SNX30: variants seen among roughly 807,000 people sequenced by gnomAD.
The protein encoded by SNX30 is sorting nexin-30.
A neutral mutation model predicts 46.4 loss-of-function variants in SNX30; 24 were observed. That is an observed-to-expected ratio of 0.52 (90% CI 0.37 to 0.73). The LOEUF (loss-of-function observed/expected upper bound fraction) is 0.73, where lower values mean the gene tolerates loss of function less well. SNX30 is among the 30% of genes least tolerant of loss of function. The probability of loss-of-function intolerance (pLI) is 0.00; values close to 1 mark genes in which losing one functional copy is unlikely to be tolerated. For synonymous variants in SNX30, 189 were observed against 211.5 expected, an observed-to-expected ratio of 0.89 and a Z score of 0.92; for missense variants, 533 against 555.7, an observed-to-expected ratio of 0.96 and a Z score of 0.41.
intron 7 of SNX30, among the ~76,000 whole-genome samples, chr9:112,852,882 G>T (rs550823428): frequency 6.6e-6 from 1 of 152,114 alleles, no homozygotes; most frequent in South Asian, 2.1e-4. Flanking sequence ...TGCCGCTGCC[G>T]CCATGCCAAG....
chr9:112,883,589 TAAAAA>T (rs932971830), downstream of SNX30, among the ~76,000 whole-genome samples: 1 of 151,624 alleles, frequency 6.6e-6, no homozygotes, highest in Non-Finnish European at 1.5e-5. Flanking sequence ...TTATTATCAT[TAAAAA>T]AAAGAAGATG....
At chr9:112,780,204 C>CATGT (rs1839824391) in intron 1 of SNX30, among the ~76,000 whole-genome samples, 1 of 152,112 alleles carries the variant, frequency 6.6e-6, no homozygotes, top group African/African-American at 2.4e-5. Context: ...TAAACATGTA[C>CATGT]ATGTATGTAT....
intron 2 of SNX30, among the ~76,000 whole-genome samples, chr9:112,813,843 C>G (rs1177499780): frequency 6.6e-6 from 1 of 151,480 alleles, no homozygotes; most frequent in Non-Finnish European, 1.5e-5. Flanking sequence ...AATAAATATG[C>G]CATAATTTCA....
chr9:112,758,334 C>T (rs906595054), intron 1 of SNX30, among the ~76,000 whole-genome samples: 2 of 151,740 alleles, frequency 1.3e-5, no homozygotes, highest in East Asian at 3.9e-4. Flanking sequence ...GTTGCGCTCT[C>T]TCTTTTTTTT....
At position 112,807,139 on chromosome 9, in the gene SNX30, A is replaced by C. The variant is rs183558897; in HGVS notation, c.348+2172A>C. Among the ~76,000 whole-genome samples, 124 of 139,750 alleles carry C rather than the reference A, an allele frequency of 8.9e-4. 4 individuals are homozygous for C. In the East Asian group the frequency reaches 0.016, roughly 18 times the overall value. The allele number at this position is 139,750 out of a possible 152,430, so 91.7% of individuals were successfully genotyped here. On this transcript the variant is annotated intron_variant, in intron 2 of 8. Transcript: ENST00000374232. ...GAGTGTAGTGGCGTGATCTCAGCTC[A>C]CTGCAACCTCCGCCCTCTGGGTTCA...
chr9:112,841,901 A>G (rs1368213601), intron 6 of SNX30, among the ~76,000 whole-genome samples: 1 of 152,086 alleles, frequency 6.6e-6, no homozygotes, highest in Non-Finnish European at 1.5e-5. Flanking sequence ...GCAGTATGGA[A>G]ACTAAGCGTG....
At chr9:112,757,164 C>A (rs1430566394) in intron 1 of SNX30, among the ~76,000 whole-genome samples, 1 of 152,182 alleles carries the variant, frequency 6.6e-6, no homozygotes, top group Non-Finnish European at 1.5e-5. Context: ...CCCACCTGCC[C>A]TTGGTAGCCA....
At chr9:112,792,460 C>T (rs972738332) in intron 1 of SNX30, among the ~76,000 whole-genome samples, 4 of 152,112 alleles carry the variant, frequency 2.6e-5, no homozygotes, top group African/African-American at 7.2e-5. Context: ...CATCTCTCTC[C>T]GTCGCCCAGC....
chr9:112,811,001 G>C (rs1840310687), intron 2 of SNX30, among the ~76,000 whole-genome samples: 1 of 152,174 alleles, frequency 6.6e-6, no homozygotes, highest in Non-Finnish European at 1.5e-5. Context: ...TGGCAGGGAG[G>C]CCCGATTCTC....
At chr9:112,831,373 A>G (rs1840657779) in intron 4 of SNX30, among the ~76,000 whole-genome samples, 1 of 152,100 alleles carries the variant, frequency 6.6e-6, no homozygotes, top group Non-Finnish European at 1.5e-5. Context: ...AAGTTAGAAT[A>G]TTTGCTCTGC....
chr9:112,835,068 T>C (rs543845744), intron 4 of SNX30, among the ~76,000 whole-genome samples: 1 of 152,214 alleles, frequency 6.6e-6, no homozygotes, highest in Non-Finnish European at 1.5e-5. Flanking sequence ...CTCTGCTCTA[T>C]CCTCTGCATC....
chr9:112,863,213 G>A (rs1345027284), intron 7 of SNX30, among the ~76,000 whole-genome samples: 1 of 152,190 alleles, frequency 6.6e-6, no homozygotes, highest in Non-Finnish European at 1.5e-5. Context: ...CTCGATTGGT[G>A]GAAGTGGACT....
chr9:112,884,423 A>G (rs931141196), downstream of SNX30, among the ~76,000 whole-genome samples: 1 of 152,176 alleles, frequency 6.6e-6, no homozygotes, highest in African/African-American at 2.4e-5. Flanking sequence ...GGCCCCTCCT[A>G]GCTGTGAAAC....
intron 1 of SNX30, among the ~76,000 whole-genome samples, chr9:112,770,338 A>AT (rs1393896812): frequency 6.6e-6 from 1 of 151,378 alleles, no homozygotes. Context: ...CACCCGACTA[A>AT]TTTTTTGTAT....
intron 8 of SNX30, among the ~76,000 whole-genome samples, chr9:112,866,154 A>C (rs1215698123): frequency 1.3e-5 from 2 of 152,230 alleles, no homozygotes; most frequent in African/African-American, 4.8e-5. Flanking sequence ...ATTGATAAAC[A>C]GCAGGATTCC....
chr9:112,863,847 G>T (rs1000842128), intron 7 of SNX30, among the ~76,000 whole-genome samples: 1 of 152,188 alleles, frequency 6.6e-6, no homozygotes, highest in Non-Finnish European at 1.5e-5. Flanking sequence ...TCCAATATGG[G>T]ACACAGGAGA....
downstream of SNX30, chr9:112,879,215 CT>C (rs1441162522): frequency 6.6e-6 from 1 of 152,220 alleles, no homozygotes; most frequent in Non-Finnish European, 1.5e-5. Context: ...GGAAAGAAAG[CT>C]GACTTTTTTC....
At chr9:112,804,508 C>T (rs1840193519) in intron 1 of SNX30, among the ~76,000 whole-genome samples, 1 of 152,116 alleles carries the variant, frequency 6.6e-6, no homozygotes, top group Admixed American at 6.5e-5. Context: ...TGTTCTCTGC[C>T]CTTGAACTGC....
intron 8 of SNX30, among the ~76,000 whole-genome samples, chr9:112,865,510 CG>C: frequency 6.6e-6 from 1 of 151,162 alleles, no homozygotes; most frequent in South Asian, 2.1e-4. Flanking sequence ...TCCAGCTACT[CG>C]GGAGGCTGTG....
Sources: gnomAD v4.1 joint callset for allele counts (sites outside exome capture counted in the v4.1 genomes callset) on GRCh38, gnomAD v4.1.1 for gene constraint, MANE v1.5 for transcripts, NCBI Gene and HGNC (gene_info 2026-07-23, HGNC 2026-07-21) for gene names.